The following LMO7 variants were observed in gnomAD, a reference collection of about 807,000 sequenced individuals.
LMO7 encodes LIM domain 7, also known as LIM domain only protein 7.
A neutral mutation model predicts 206.5 loss-of-function variants in LMO7; 120 were observed. The ratio of observed to expected loss-of-function variants is 0.58; its 90% CI spans 0.50 to 0.68. The LOEUF (loss-of-function observed/expected upper bound fraction) is 0.68. Ranked by LOEUF, LMO7 falls within the 30% of genes least tolerant of loss-of-function variation. The probability of loss-of-function intolerance (pLI) is 0.00; values close to 1 mark genes in which losing one functional copy is unlikely to be tolerated. For missense variants in LMO7, 1,959 were observed against 1,957.9 expected (o/e 1.00, Z -0.01); for synonymous variants, 706 against 681.5 (o/e 1.04, Z -0.56).
intron 15 of LMO7, among the ~76,000 whole-genome samples, chr13:75,831,227 A>G (rs2058640846): frequency 6.6e-6 from 1 of 152,212 alleles, no homozygotes; most frequent in Admixed American, 6.5e-5. Flanking sequence ...CTTTCTGCTG[A>G]AAGCTAAAAA....
At chr13:75,757,637 A>T (rs1227980495) in intron 3 of LMO7, among the ~76,000 whole-genome samples, 1 of 152,150 alleles carries the variant, frequency 6.6e-6, no homozygotes, top group Non-Finnish European at 1.5e-5. Flanking sequence ...GATTGGAGAC[A>T]ATATGAAAAT....
chr13:75,647,401 T>C (rs2037127672), intron 1 of LMO7, among the ~76,000 whole-genome samples: 1 of 152,084 alleles, frequency 6.6e-6, no homozygotes, highest in South Asian at 2.1e-4. Flanking sequence ...GTTTTGAACA[T>C]GTTTTTTTGA....
chr13:75,781,096 C>CTTTTTTTTTTTTTTTTTTTTTTCT (rs2051291594), intron 4 of LMO7, among the ~76,000 whole-genome samples: 3 of 41,924 alleles, frequency 7.2e-5, no homozygotes, highest in African/African-American at 3.4e-4. Flanking sequence ...CTCTATTTTC[C>CTTTTTTTTTTTTTTTTTTTTTTCT]TTTTTTTTTT....
At chr13:75,811,939 T>G (rs629443) in intron 11 of LMO7, among the ~76,000 whole-genome samples, 118,490 of 152,090 alleles carry the variant, frequency 0.78, 46,521 homozygotes, top group African/African-American at 0.87. Flanking sequence ...GTCACCCACA[T>G]TTCACTTATG....
intron 15 of LMO7, among the ~76,000 whole-genome samples, chr13:75,824,613 C>G (rs1179499141): frequency 6.6e-6 from 1 of 152,094 alleles, no homozygotes; most frequent in African/African-American, 2.4e-5. Flanking sequence ...ATACTGAAAG[C>G]ATTTGGGGAA....
At chr13:75,623,372 T>C in intron 2 of LMO7, 1 of 1,043,074 alleles carries the variant, frequency 9.6e-7, no homozygotes, top group East Asian at 2.4e-5. Flanking sequence ...CAAAGCATTT[T>C]TTTCTTTTTG....
intron 4 of LMO7, among the ~76,000 whole-genome samples, chr13:75,782,111 T>C (rs1026617139): frequency 1.1e-4 from 17 of 152,376 alleles, no homozygotes; most frequent in African/African-American, 3.6e-4. Context: ...TCTTTTGCTG[T>C]ACAGAAGCTC....
intron 4 of LMO7, among the ~76,000 whole-genome samples, chr13:75,772,354 A>T (rs1327324234): frequency 6.6e-6 from 1 of 152,180 alleles, no homozygotes; most frequent in Non-Finnish European, 1.5e-5. Flanking sequence ...GATGGGTTAG[A>T]TGTGATAAAC....
chr13:75,714,529 A>G (rs2043367563), intron 2 of LMO7, among the ~76,000 whole-genome samples: 1 of 152,164 alleles, frequency 6.6e-6, no homozygotes, highest in African/African-American at 2.4e-5. Context: ...TTGTGACCTA[A>G]AGAAGTGTCA....
intron 4 of LMO7, among the ~76,000 whole-genome samples, chr13:75,791,730 A>C (rs1247217226): frequency 6.6e-6 from 1 of 152,172 alleles, no homozygotes; most frequent in Non-Finnish European, 1.5e-5. Flanking sequence ...GGCTAGTTGC[A>C]GTTCTAAATA....
At chr13:75,837,548 T>A (rs533056155) in intron 19 of LMO7, among the ~76,000 whole-genome samples, 97 of 152,272 alleles carry the variant, frequency 6.4e-4, no homozygotes, top group Non-Finnish European at 2.5e-4. Flanking sequence ...AGTCAGAATG[T>A]TTTTCTTTTG....
chr13:75,621,997 T>TA (rs1186419338), intron 1 of LMO7: 3 of 511,706 alleles, frequency 5.9e-6, no homozygotes, highest in Non-Finnish European at 9.9e-6. Context: ...AAGAAGTAAA[T>TA]ACTGCAACTG....
At chr13:75,793,427 C>T (rs185414874) in intron 4 of LMO7, among the ~76,000 whole-genome samples, 100 of 152,262 alleles carry the variant, frequency 6.6e-4, no homozygotes, top group Admixed American at 6.5e-3. Flanking sequence ...AGGCGCCCAC[C>T]ACCACGCCTG....
chr13:75,796,588 G>T (rs2054040685), intron 5 of LMO7, 48 bp from the exon 6 acceptor site: 2 of 1,123,944 alleles, frequency 1.8e-6, no homozygotes, highest in African/African-American at 1.6e-5. Flanking sequence ...CTTGCAATTG[G>T]TTGCTAATCG....
chr13:75,730,421 G>T (rs1470270222), intron 3 of LMO7, among the ~76,000 whole-genome samples: 4 of 151,722 alleles, frequency 2.6e-5, no homozygotes, highest in Non-Finnish European at 2.9e-5. Flanking sequence ...TGCGTAGAGG[G>T]TTTTGTAGTA....
At chr13:75,660,866 A>G (rs2038524390) in intron 1 of LMO7, among the ~76,000 whole-genome samples, 1 of 152,194 alleles carries the variant, frequency 6.6e-6, no homozygotes, top group Non-Finnish European at 1.5e-5. Context: ...GAGGTGCCTC[A>G]TTCCTTGTCA....
chr13:75,744,874 A>G (rs2046710273), intron 3 of LMO7, among the ~76,000 whole-genome samples: 1 of 152,228 alleles, frequency 6.6e-6, no homozygotes, highest in South Asian at 2.1e-4. Flanking sequence ...CCAGAAACAC[A>G]GTGCTCTAAA....
At chr13:75,658,922 A>G (rs965228390) in intron 1 of LMO7, among the ~76,000 whole-genome samples, 18 of 152,146 alleles carry the variant, frequency 1.2e-4, no homozygotes, top group African/African-American at 4.1e-4. Flanking sequence ...TAGTGTAGAA[A>G]AATGCTATTG....
intron 25 of LMO7, among the ~76,000 whole-genome samples, chr13:75,844,598 G>A (rs1225735231): frequency 1.3e-5 from 2 of 151,662 alleles, no homozygotes; most frequent in Admixed American, 1.3e-4. Context: ...TTGTAGAGAC[G>A]GGGTTTCACC....
Sources: gnomAD v4.1 joint callset for allele counts (sites outside exome capture counted in the v4.1 genomes callset) on GRCh38, gnomAD v4.1.1 for gene constraint, MANE v1.5 for transcripts, NCBI Gene and HGNC (gene_info 2026-07-23, HGNC 2026-07-21) for gene names.